Variants in STT3B observed in about 807,000 individuals in gnomAD.
STT3B encodes the protein STT3 oligosaccharyltransferase complex catalytic subunit B.
In STT3B, 29 loss-of-function variants were observed where a neutral mutation model predicts 96.8. The ratio of observed to expected loss-of-function variants is 0.30; its 90% confidence interval spans 0.22 to 0.41. The LOEUF (loss-of-function observed/expected upper bound fraction) is 0.41, where lower values mean the gene tolerates loss of function less well. Among genes scored for constraint, STT3B ranks in the 10% least tolerant of loss-of-function variants. The pLI, the probability that STT3B is intolerant of heterozygous loss-of-function variation, is 1.00. For missense variants in STT3B, 640 were observed against 1,022.3 expected (o/e 0.63, Z 5.10); for synonymous variants, 367 against 360.0 (o/e 1.02, Z -0.22).
intron 4 of STT3B, among the ~76,000 whole-genome samples, chr3:31,599,895 A>C (rs1197991903): frequency 6.6e-6 from 1 of 152,114 alleles, no homozygotes. Flanking sequence ...AAGCGTATTC[A>C]TGTCATCTGA....
intron 6 of STT3B, among the ~76,000 whole-genome samples, chr3:31,616,430 C>T (rs1314116500): frequency 6.6e-6 from 1 of 151,890 alleles, no homozygotes; most frequent in Non-Finnish European, 1.5e-5. Context: ...TTGGCATGAG[C>T]CCTGATACAA....
At chr3:31,611,142 T>C (rs1317379340) in intron 5 of STT3B, among the ~76,000 whole-genome samples, 1 of 152,174 alleles carries the variant, frequency 6.6e-6, no homozygotes, top group African/African-American at 2.4e-5. Flanking sequence ...GGGTTTGTCT[T>C]GTTGAGGTCT....
At chr3:31,550,368 G>C (rs1264600107) in intron 1 of STT3B, among the ~76,000 whole-genome samples, 1 of 152,206 alleles carries the variant, frequency 6.6e-6, no homozygotes, top group Non-Finnish European at 1.5e-5. Flanking sequence ...TCAAAGTAGA[G>C]AGACAGGTAC....
intron 3 of STT3B, among the ~76,000 whole-genome samples, chr3:31,593,045 G>A (rs4955192): frequency 0.47 from 71,946 of 151,940 alleles, 20,066 homozygotes; most frequent in Non-Finnish European, 0.62. Flanking sequence ...CCTCACATCA[G>A]ATTGATTCTG....
chr3:31,556,482 T>C (rs1367140966), intron 1 of STT3B, among the ~76,000 whole-genome samples: 1 of 152,206 alleles, frequency 6.6e-6, no homozygotes, highest in African/African-American at 2.4e-5. Flanking sequence ...CTCCACACTC[T>C]TTTCCAAGTG....
chr3:31,605,767 T>C (rs1300176494), intron 5 of STT3B, among the ~76,000 whole-genome samples: 1 of 152,208 alleles, frequency 6.6e-6, no homozygotes, highest in Non-Finnish European at 1.5e-5. Flanking sequence ...GCTGAAAAGA[T>C]ACCCGAAAAT....
Position 31,625,982 on chromosome 3 carries a change from C to T in STT3B, c.1928C>T (p.Thr643Ile), listed in dbSNP as rs1699529254. The change falls in exon 13 of 16, where the codon ACA becomes ATA. Residue 643 changes from threonine to isoleucine, a missense_variant. By Grantham distance (89) the Thr-to-Ile change is moderately conservative. This residue lies in a region of STT3B where 149 missense variants were observed against 250.2 expected (regional missense o/e 0.60). Transcript: ENST00000295770. ...LVGKAMSSNE[T>I]AAYKIMRTLD... ...GGAAAAGCTATGTCTTCTAATGAAACAGCAGCCTATAAAATCATGAGGACT... is the reference window on the plus strand; with the variant it reads ...GGAAAAGCTATGTCTTCTAATGAAATAGCAGCCTATAAAATCATGAGGACT... The T allele has an allele frequency of 1.2e-6, 2 of 1,610,822 alleles. No homozygotes were observed. The highest frequency in any genetic ancestry group is 1.7e-5 in the Admixed American group (1 of 59,562).
At chr3:31,620,028 A>G (rs1699390581) in intron 9 of STT3B, 198 bp downstream of exon 9, 3 of 1,371,916 alleles carry the variant, frequency 2.2e-6, no homozygotes, top group Non-Finnish European at 2.9e-6. Flanking sequence ...TAATCCCAGC[A>G]CTTTGGGAGG....
At chr3:31,613,615 A>G (rs1158688759) in intron 5 of STT3B, among the ~76,000 whole-genome samples, 2 of 152,026 alleles carry the variant, frequency 1.3e-5, no homozygotes, top group Admixed American at 1.3e-4. Context: ...AAGATTACAT[A>G]GTGATCTTCT....
intron 4 of STT3B, among the ~76,000 whole-genome samples, chr3:31,599,011 T>C (rs1339222288): frequency 2.0e-5 from 3 of 152,124 alleles, no homozygotes; most frequent in African/African-American, 7.2e-5. Context: ...GATTTCTCCA[T>C]GTGGTCAGAC....
chr3:31,585,905 C>T (rs1291394303), intron 3 of STT3B, among the ~76,000 whole-genome samples: 1 of 152,004 alleles, frequency 6.6e-6, no homozygotes, highest in African/African-American at 2.4e-5. Context: ...AATTAAGTGG[C>T]TATAAAATGT....
chr3:31,612,242 A>C (rs923532055), intron 5 of STT3B, among the ~76,000 whole-genome samples: 5 of 152,208 alleles, frequency 3.3e-5, no homozygotes, highest in Non-Finnish European at 5.9e-5. Flanking sequence ...CTATCCGTGC[A>C]CTGAAGAGTG....
At chr3:31,573,998 A>G (rs891087260) in intron 1 of STT3B, among the ~76,000 whole-genome samples, 2 of 152,192 alleles carry the variant, frequency 1.3e-5, no homozygotes, top group African/African-American at 4.8e-5. Context: ...AGAATTATAT[A>G]AAATGGAAAG....
chr3:31,543,383 A>G (rs964714944), intron 1 of STT3B, among the ~76,000 whole-genome samples: 18 of 152,184 alleles, frequency 1.2e-4, no homozygotes, highest in African/African-American at 4.3e-4. Flanking sequence ...ACTTACTACT[A>G]TTATTGTAGG....
At chr3:31,592,629 T>C (rs11925238) in intron 3 of STT3B, among the ~76,000 whole-genome samples, 86,894 of 151,978 alleles carry the variant, frequency 0.57, 27,734 homozygotes, top group Non-Finnish European at 0.72. Context: ...GTAGTCATCC[T>C]AATGGGTGTG....
intron 9 of STT3B, among the ~76,000 whole-genome samples, 159 bp from the exon 10 acceptor site, chr3:31,621,938 C>T (rs748206911): frequency 1.6e-4 from 24 of 152,128 alleles, no homozygotes; most frequent in Non-Finnish European, 3.4e-4. Context: ...CTAAATGTGG[C>T]TAATTAATCA....
chr3:31,545,883 T>G (rs1183049119), intron 1 of STT3B, among the ~76,000 whole-genome samples: 1 of 151,656 alleles, frequency 6.6e-6, no homozygotes. Flanking sequence ...AAGGCAATTC[T>G]TCTTCCACTG....
At chr3:31,608,331 GAT>G (rs539907631) in intron 5 of STT3B, among the ~76,000 whole-genome samples, 259 of 152,342 alleles carry the variant, frequency 1.7e-3, no homozygotes, top group African/African-American at 6.2e-3. Context: ...GGGGGAAAGA[GAT>G]GGGATTTTCC....
At chr3:31,563,287 G>A (rs566159622) in intron 1 of STT3B, among the ~76,000 whole-genome samples, 2 of 152,282 alleles carry the variant, frequency 1.3e-5, no homozygotes, top group South Asian at 4.1e-4. Flanking sequence ...TAAACTAGTA[G>A]AGCAAATTAT....
Sources: allele counts gnomAD v4.1 joint callset (sites outside exome capture counted in the v4.1 genomes callset), GRCh38; gene constraint gnomAD v4.1.1; regional missense constraint gnomAD v4.1.1; transcripts MANE v1.5; gene names NCBI Gene and HGNC (gene_info 2026-07-23, HGNC 2026-07-21).